NKAIN3: variants seen among roughly 807,000 people sequenced by gnomAD.
The protein encoded by NKAIN3 is sodium/potassium transporting ATPase interacting 3.
A neutral mutation model predicts 30.2 loss-of-function variants in NKAIN3; 25 were observed. The observed-to-expected ratio is 0.83, with a 90% CI of 0.60 to 1.16. The LOEUF (loss-of-function observed/expected upper bound fraction) is 1.16. Among genes scored for constraint, NKAIN3 ranks in the 50% most tolerant of loss-of-function variants. The pLI is 0.00. For missense variants in NKAIN3, 225 were observed against 254.1 expected (o/e 0.89, Z 0.78); for synonymous variants, 91 against 89.6 (o/e 1.02, Z -0.09).
chr8:62,499,674 G>C (rs774299733), intron 1 of NKAIN3, among the ~76,000 whole-genome samples: 2 of 152,102 alleles, frequency 1.3e-5, no homozygotes, highest in Non-Finnish European at 2.9e-5. Context: ...TTAGTGACAA[G>C]ATTAGGACTT....
chr8:62,338,478 T>C (rs1815637090), intron 1 of NKAIN3, among the ~76,000 whole-genome samples: 1 of 151,946 alleles, frequency 6.6e-6, no homozygotes, highest in Non-Finnish European at 1.5e-5. Flanking sequence ...AATGAAGTAA[T>C]TGTGAGTTGT....
chr8:62,844,039 C>G (rs997021305), intron 4 of NKAIN3, among the ~76,000 whole-genome samples: 2 of 152,160 alleles, frequency 1.3e-5, no homozygotes, highest in African/African-American at 2.4e-5. Context: ...TGACTTGAGG[C>G]ACTCGCAACT....
intron 3 of NKAIN3, among the ~76,000 whole-genome samples, chr8:62,677,200 C>T (rs867561620): frequency 3.3e-5 from 5 of 152,092 alleles, no homozygotes; most frequent in Admixed American, 2.0e-4. Flanking sequence ...AAGGTAGGGA[C>T]GCAGGGTTAG....
intron 1 of NKAIN3, among the ~76,000 whole-genome samples, chr8:62,432,058 A>C (rs1805018516): frequency 6.6e-6 from 1 of 151,838 alleles, no homozygotes; most frequent in African/African-American, 2.4e-5. Context: ...TTTATCCTCA[A>C]AATGTTTCTA....
At chr8:62,759,047 T>C (rs1188020014) in intron 4 of NKAIN3, among the ~76,000 whole-genome samples, 1 of 152,214 alleles carries the variant, frequency 6.6e-6, no homozygotes, top group Non-Finnish European at 1.5e-5. Context: ...AATCACACTC[T>C]TTTTTCTATA....
intron 1 of NKAIN3, among the ~76,000 whole-genome samples, chr8:62,314,387 C>G (rs540432531): frequency 2.6e-5 from 4 of 152,244 alleles, no homozygotes; most frequent in African/African-American, 9.6e-5. Flanking sequence ...TGGTCAGGTC[C>G]GATTTTGCCC....
chr8:62,946,746 G>A lies in NKAIN3; in HGVS notation c.533-7156G>A, dbSNP rs191093524. Among the ~76,000 whole-genome samples the A allele has an allele frequency of 2.7e-3, 418 of 152,252 alleles. 1 individual carries two copies. The highest frequency in any genetic ancestry group is 4.6e-3 in the Non-Finnish European group (313 of 68,032). ...TGTAAAATAAATGCTGATTAGAAAA[G>A]CCTAATACCTACATAGCAGGAACAA... is the stretch of plus-strand genomic sequence containing the variant. On this transcript the variant is annotated intron_variant, in intron 5 of 6. Coordinates refer to ENST00000623646, the MANE Select transcript of NKAIN3 (RefSeq NM_001304533.3).
At chr8:62,615,038 AC>A (rs1811409190) in intron 3 of NKAIN3, among the ~76,000 whole-genome samples, 2 of 152,264 alleles carry the variant, frequency 1.3e-5, no homozygotes, top group South Asian at 4.1e-4. Context: ...AGTCCCCTTT[AC>A]TTTTCCCTCT....
chr8:62,731,307 G>A (rs771708091), intron 3 of NKAIN3, among the ~76,000 whole-genome samples: 26 of 151,462 alleles, frequency 1.7e-4, no homozygotes, highest in Non-Finnish European at 2.7e-4. Flanking sequence ...TTAATCATGA[G>A]TGAAATTTGA....
intron 1 of NKAIN3, among the ~76,000 whole-genome samples, chr8:62,508,728 T>C (rs1477364293): frequency 6.6e-6 from 1 of 152,212 alleles, no homozygotes; most frequent in African/African-American, 2.4e-5. Context: ...AGTTTTATTA[T>C]GGATTTTCTT....
chr8:62,733,852 C>A (rs549341198), intron 3 of NKAIN3, among the ~76,000 whole-genome samples: 4 of 152,318 alleles, frequency 2.6e-5, no homozygotes, highest in African/African-American at 9.6e-5. Flanking sequence ...TCTCTTAAAT[C>A]TGTCTAATCT....
intron 1 of NKAIN3, among the ~76,000 whole-genome samples, chr8:62,338,663 ATCTG>A (rs1323156828): frequency 1.3e-5 from 2 of 151,992 alleles, no homozygotes; most frequent in African/African-American, 2.4e-5. Flanking sequence ...ACAATAGGCC[ATCTG>A]CAAGCTGAGG....
chr8:62,678,010 G>T (rs2130407873), intron 3 of NKAIN3, among the ~76,000 whole-genome samples: 1 of 152,286 alleles, frequency 6.6e-6, no homozygotes, highest in Non-Finnish European at 1.5e-5. Context: ...CAGTGAGAAA[G>T]CTTAACACAC....
intron 1 of NKAIN3, among the ~76,000 whole-genome samples, chr8:62,292,172 G>C (rs1208216399): frequency 6.7e-6 from 1 of 149,672 alleles, no homozygotes; most frequent in Admixed American, 6.6e-5. Flanking sequence ...GCACACTGAT[G>C]GGTCTTGACT....
rs1818210260 is a variant in NKAIN3, at chr8:62,804,762, A to G, written c.471+57633A>G. Among the ~76,000 whole-genome samples the G allele has an allele frequency of 2.6e-5, 4 of 152,306 alleles. No individual in the cohort carries two copies. In the South Asian group the frequency reaches 8.3e-4, roughly 32 times the overall value. ...GCAAAAGACAGGGATGCCCTCTCTC[A>G]CCACACCTATTCAACATAGTGTTGG... On this transcript the variant is annotated intron_variant, in intron 4 of 6. Transcript: ENST00000623646.
Position 62,441,014 on chromosome 8 carries a change from G to A in NKAIN3, c.55-138525G>A, listed in dbSNP as rs577665075. Among the ~76,000 whole-genome samples, 4 of 152,190 alleles carry A rather than the reference G, an allele frequency of 2.6e-5. No homozygotes were observed. In the East Asian group the frequency reaches 5.8e-4, roughly 22 times the overall value. On this transcript the variant is annotated intron_variant, in intron 1 of 6. Transcript: ENST00000623646. ...CTCCATTTTGAAGGCTTCATCTGGT[G>A]CTACTTAATCAACATTCACCTTGGT... is the stretch of plus-strand genomic sequence containing the variant.
chr8:62,997,138 G>T (rs1024337115), intron 5 of NKAIN3, among the ~76,000 whole-genome samples: 1 of 152,142 alleles, frequency 6.6e-6, no homozygotes, highest in Non-Finnish European at 1.5e-5. Context: ...ACCAGCGTGG[G>T]AGGCAATAGA....
chr8:62,793,371 A>G (rs1260500699), intron 4 of NKAIN3, among the ~76,000 whole-genome samples: 2 of 152,006 alleles, frequency 1.3e-5, no homozygotes, highest in African/African-American at 4.8e-5. Context: ...GCTTTATCTC[A>G]CTATAGACAT....
intron 3 of NKAIN3, among the ~76,000 whole-genome samples, chr8:62,616,498 G>C (rs1250842730): frequency 6.6e-6 from 1 of 152,150 alleles, no homozygotes; most frequent in Non-Finnish European, 1.5e-5. Context: ...ATGAGGGCGA[G>C]GTTTCCATGC....
Sources: allele counts gnomAD v4.1 joint callset (sites outside exome capture counted in the v4.1 genomes callset), GRCh38; gene constraint gnomAD v4.1.1; transcripts MANE v1.5; gene names NCBI Gene and HGNC (gene_info 2026-07-23, HGNC 2026-07-21).